The following SLC24A3 variants were observed in gnomAD, a reference collection of about 807,000 sequenced individuals.
SLC24A3 encodes the protein sodium/potassium/calcium exchanger 3.
In SLC24A3, 28 loss-of-function variants were observed where a neutral mutation model predicts 75.8. That is an observed-to-expected ratio of 0.37 (90% CI 0.27 to 0.51). The LOEUF (loss-of-function observed/expected upper bound fraction) is 0.51. Among genes scored for constraint, SLC24A3 ranks in the 20% least tolerant of loss-of-function variants. SLC24A3 has a pLI of 0.94. For missense variants in SLC24A3, 663 were observed against 847.8 expected (o/e 0.78, Z 2.71); for synonymous variants, 372 against 334.1 (o/e 1.11, Z -1.24).
intron 6 of SLC24A3, among the ~76,000 whole-genome samples, chr20:19,599,606 T>C (rs891295206): frequency 6.6e-6 from 1 of 152,244 alleles, no homozygotes; most frequent in Non-Finnish European, 1.5e-5. Context: ...GAACACAAGA[T>C]GCTGCCTCCT....
chr20:19,582,670 C>G (rs1173280190), intron 4 of SLC24A3, among the ~76,000 whole-genome samples: 2 of 152,190 alleles, frequency 1.3e-5, no homozygotes, highest in East Asian at 1.9e-4. Context: ...AGATTTTGAA[C>G]AGTCCAGAGA....
At chr20:19,590,314 C>T (rs1002720708) in intron 6 of SLC24A3, among the ~76,000 whole-genome samples, 16 of 152,064 alleles carry the variant, frequency 1.1e-4, no homozygotes, top group Non-Finnish European at 4.4e-5. Context: ...GGGACACCCA[C>T]AGGCTGCCCC....
In SLC24A3 at chr20:19,684,187, C is replaced by T. The variant is rs759715523; in HGVS notation, c.913C>T (p.Arg305Cys). 25 of 1,612,882 alleles carry T rather than the reference C, an allele frequency of 1.6e-5. No individual in the cohort carries two copies. Among genetic ancestry groups the T allele is most frequent in the Middle Eastern group, 1.6e-4 (1 of 6,074 alleles). Reference sequence around the variant, plus strand: ...TTTCGTTTCCCTAGCAAATTTCCACCGCAAAGCATCAGTGATCATGGTAGA... The same window carrying T: ...TTTCGTTTCCCTAGCAAATTTCCACTGCAAAGCATCAGTGATCATGGTAGA... ...VVLLKKANFHRKASVIMVDEL... is the reference protein window; with the variant it reads ...VVLLKKANFHCKASVIMVDEL... Residue 305 changes from arginine to cysteine, a missense_variant, in exon 11 of 17, where the codon CGC becomes TGC. Transcript: ENST00000328041.
chr20:19,440,648 T>G lies in SLC24A3; in HGVS notation c.272-74840T>G, dbSNP rs1024826564. 1.1e-4 allele frequency among the ~76,000 whole-genome samples: 4 copies of G among 37,928 alleles called. No individual in the cohort carries two copies. In the African/African-American group the frequency reaches 1.2e-3, roughly 11 times the overall value. The allele number at this position is 37,928 out of a possible 152,430, so 24.9% of individuals were successfully genotyped here. A position where few individuals can be genotyped will look rare whatever the true frequency, so the allele number is the denominator to read the frequency against. ...TTCCTGGAGGAGAGGCCTCACTGTT[T>G]TTTTTTTTTTTTTTTTTTTAAGAAT... On this transcript the variant is annotated intron_variant, in intron 2 of 16. Coordinates refer to ENST00000328041, the MANE Select transcript of SLC24A3 (RefSeq NM_020689.4).
chr20:19,573,259 G>C (rs552114089), intron 3 of SLC24A3, among the ~76,000 whole-genome samples: 14 of 152,338 alleles, frequency 9.2e-5, no homozygotes, highest in African/African-American at 3.4e-4. Flanking sequence ...GCTAGAGCCT[G>C]CTCACCTCTA....
At chr20:19,510,653 A>T (rs1988522470) in intron 2 of SLC24A3, among the ~76,000 whole-genome samples, 1 of 152,208 alleles carries the variant, frequency 6.6e-6, no homozygotes, top group South Asian at 2.1e-4. Context: ...ATGTCCAAAT[A>T]AGAGGAGGAA....
rs1983646229 is a variant in SLC24A3 at position 19,280,994 on chromosome 20, A to G, written c.178A>G (p.Lys60Glu). ...CATGGACCTCGTAGGGGAAGACAGAAAGTGGATGATGGCGAGGAAGCTGAT... is the reference window on the plus strand; with the variant it reads ...CATGGACCTCGTAGGGGAAGACAGAGAGTGGATGATGGCGAGGAAGCTGAT... ...DLMDLVGEDR[K>E]WMMARKLMQV... Residue 60 changes from lysine to glutamate, a missense_variant, in exon 2 of 17, where the codon AAG becomes GAG. Physicochemically the swap from Lys to Glu is moderately conservative, Grantham distance 56. This residue lies in a region of SLC24A3 where 153 missense variants were observed against 144.2 expected (regional missense o/e 1.06). Transcript: ENST00000328041. 9.3e-6 allele frequency: 15 copies of G among 1,613,932 alleles called. No homozygotes were observed. The highest frequency in any genetic ancestry group is 1.1e-5 in the Non-Finnish European group (13 of 1,179,978).
chr20:19,221,877 C>T (rs1981724261), intron 1 of SLC24A3, among the ~76,000 whole-genome samples: 1 of 152,176 alleles, frequency 6.6e-6, no homozygotes, highest in Non-Finnish European at 1.5e-5. Flanking sequence ...ACCAGGTTCT[C>T]TTAAACTGGA....
chr20:19,610,616 G>A (rs2031660147), intron 6 of SLC24A3, among the ~76,000 whole-genome samples: 1 of 152,236 alleles, frequency 6.6e-6, no homozygotes, highest in Non-Finnish European at 1.5e-5. Context: ...AACACTGAGT[G>A]GGGAGTGGGA....
At chr20:19,657,890 T>A (rs1214771252) in intron 7 of SLC24A3, among the ~76,000 whole-genome samples, 3 of 152,230 alleles carry the variant, frequency 2.0e-5, no homozygotes, top group Non-Finnish European at 2.9e-5. Context: ...TCTATAGGAC[T>A]CTGCAATGAG....
chr20:19,648,333 C>A (rs1438519425), intron 6 of SLC24A3, among the ~76,000 whole-genome samples: 1 of 152,202 alleles, frequency 6.6e-6, no homozygotes, highest in Admixed American at 6.5e-5. Context: ...GAACAAAACT[C>A]ATGATTTCTC....
At chr20:19,417,279 A>C (rs2122429962) in intron 2 of SLC24A3, among the ~76,000 whole-genome samples, 1 of 152,350 alleles carries the variant, frequency 6.6e-6, no homozygotes, top group Admixed American at 6.5e-5. Flanking sequence ...AATAGATTGG[A>C]GACAACTATT....
chr20:19,215,096 G>GT (rs1981517818), intron 1 of SLC24A3, among the ~76,000 whole-genome samples: 1 of 152,280 alleles, frequency 6.6e-6, no homozygotes, highest in East Asian at 1.9e-4. Flanking sequence ...CAAGACACAG[G>GT]TTTTTCTAGA....
intron 6 of SLC24A3, among the ~76,000 whole-genome samples, chr20:19,621,083 C>A (rs1055676283): frequency 6.6e-6 from 1 of 152,178 alleles, no homozygotes; most frequent in Non-Finnish European, 1.5e-5. Flanking sequence ...CTAGACTCTG[C>A]GCCCACACCA....
At chr20:19,330,562 T>A (rs1984975658) in intron 2 of SLC24A3, among the ~76,000 whole-genome samples, 1 of 152,260 alleles carries the variant, frequency 6.6e-6, no homozygotes, top group Admixed American at 6.5e-5. Context: ...ATACTTATAA[T>A]AAATAGATAA....
At chr20:19,495,564 A>G (rs980451795) in intron 2 of SLC24A3, among the ~76,000 whole-genome samples, 1 of 152,194 alleles carries the variant, frequency 6.6e-6, no homozygotes, top group Admixed American at 6.5e-5. Context: ...GGCTGATTTC[A>G]TTCGTTGTAT....
intron 2 of SLC24A3, among the ~76,000 whole-genome samples, chr20:19,356,596 T>C (rs1376978178): frequency 1.3e-5 from 2 of 152,202 alleles, no homozygotes; most frequent in Non-Finnish European, 2.9e-5. Flanking sequence ...TTGTTGTTGA[T>C]TGACATTTGG....
At chr20:19,347,820 C>G (rs1600441527) in intron 2 of SLC24A3, among the ~76,000 whole-genome samples, 1 of 152,154 alleles carries the variant, frequency 6.6e-6, no homozygotes, top group African/African-American at 2.4e-5. Flanking sequence ...ACTGGGACTT[C>G]AAATTAGTTA....
intron 2 of SLC24A3, among the ~76,000 whole-genome samples, chr20:19,462,058 T>C (rs1219067194): frequency 6.6e-6 from 1 of 152,194 alleles, no homozygotes; most frequent in Non-Finnish European, 1.5e-5. Flanking sequence ...ACAGGTATCT[T>C]ATCCACCTCC....
Sources: allele counts gnomAD v4.1 joint callset (sites outside exome capture counted in the v4.1 genomes callset), GRCh38; gene constraint gnomAD v4.1.1; regional missense constraint gnomAD v4.1.1; transcripts MANE v1.5; gene names NCBI Gene and HGNC (gene_info 2026-07-23, HGNC 2026-07-21).